Variants in PACRG observed in about 807,000 individuals in gnomAD.
The protein encoded by PACRG is parkin coregulated.
PACRG carries 29 observed loss-of-function variants against 29.7 expected under a neutral mutation model. The ratio of observed to expected loss-of-function variants is 0.98; its 90% CI spans 0.73 to 1.33. The LOEUF is 1.33. Ranked by LOEUF, PACRG falls within the 40% of genes most tolerant of loss-of-function variation. The probability of loss-of-function intolerance (pLI) is 0.00; values close to 1 mark genes in which losing one functional copy is unlikely to be tolerated. For missense variants in PACRG, 279 were observed against 316.2 expected, an observed-to-expected ratio of 0.88 and a Z score of 0.89; for synonymous variants, 116 against 118.7, an observed-to-expected ratio of 0.98 and a Z score of 0.15.
intron 4 of PACRG, among the ~76,000 whole-genome samples, chr6:163,287,934 A>G (rs1028983463): frequency 1.1e-4 from 16 of 152,130 alleles, no homozygotes; most frequent in Non-Finnish European, 2.1e-4. Context: ...AGAAGAAGCT[A>G]TTTATTTGGC....
At chr6:163,314,526 A>G (rs1268831688) in intron 4 of PACRG, among the ~76,000 whole-genome samples, 1 of 151,824 alleles carries the variant, frequency 6.6e-6, no homozygotes, top group Non-Finnish European at 1.5e-5. Flanking sequence ...CCAAGAGAAC[A>G]CTCTGTATAT....
chr6:162,859,011 A>G (rs1791634576), intron 2 of PACRG, among the ~76,000 whole-genome samples: 1 of 152,200 alleles, frequency 6.6e-6, no homozygotes, highest in African/African-American at 2.4e-5. Flanking sequence ...AACAGTACAC[A>G]AAGGTGCTAT....
chr6:163,130,108 G>T (rs1816675011), intron 4 of PACRG, among the ~76,000 whole-genome samples: 1 of 152,172 alleles, frequency 6.6e-6, no homozygotes, highest in Admixed American at 6.5e-5. Context: ...TCTTAGATAA[G>T]GAATGAGGGA....
chr6:163,241,070 T>C (rs1342855298), intron 4 of PACRG, among the ~76,000 whole-genome samples: 1 of 152,214 alleles, frequency 6.6e-6, no homozygotes, highest in Non-Finnish European at 1.5e-5. Flanking sequence ...CAATTCTTAA[T>C]GTAAATTATA....
At chr6:163,252,284 G>A (rs578142243) in intron 4 of PACRG, among the ~76,000 whole-genome samples, 2 of 152,364 alleles carry the variant, frequency 1.3e-5, no homozygotes, top group Non-Finnish European at 2.9e-5. Flanking sequence ...GCTGACGCTC[G>A]GCCAGGCGCC....
intron 2 of PACRG, among the ~76,000 whole-genome samples, chr6:162,822,129 A>G (rs1787896327): frequency 6.6e-6 from 1 of 152,218 alleles, no homozygotes; most frequent in African/African-American, 2.4e-5. Context: ...TTGATAGTGG[A>G]CATACTGCCA....
intron 2 of PACRG, among the ~76,000 whole-genome samples, chr6:163,014,715 A>G (rs545355909): frequency 4.6e-4 from 70 of 151,808 alleles, no homozygotes; most frequent in African/African-American, 1.7e-3. Flanking sequence ...TTTTTGCTTA[A>G]TTGTTTAAGT....
At chr6:162,992,067 G>A (rs921647440) in intron 2 of PACRG, among the ~76,000 whole-genome samples, 1 of 142,670 alleles carries the variant, frequency 7.0e-6, no homozygotes, top group Non-Finnish European at 1.5e-5. Flanking sequence ...TATTGAACCA[G>A]CCTTTCATCC....
chr6:162,950,131 G>A (rs1584845280), intron 2 of PACRG, among the ~76,000 whole-genome samples: 1 of 152,006 alleles, frequency 6.6e-6, no homozygotes, highest in Admixed American at 6.6e-5. Context: ...CTAAGTTTTT[G>A]TTTCCATTTT....
At chr6:162,979,853 C>T (rs978724251) in intron 2 of PACRG, among the ~76,000 whole-genome samples, 5 of 151,632 alleles carry the variant, frequency 3.3e-5, no homozygotes, top group Admixed American at 6.6e-5. Flanking sequence ...AATAGTAATT[C>T]GGAAGTTTAC....
chr6:162,975,936 C>T (rs1025029822), intron 2 of PACRG, among the ~76,000 whole-genome samples: 3 of 152,058 alleles, frequency 2.0e-5, no homozygotes, highest in East Asian at 1.9e-4. Flanking sequence ...CCTGCCCCCT[C>T]GGAATTTGCA....
chr6:163,153,644 A>C (rs1324479056), intron 4 of PACRG, among the ~76,000 whole-genome samples: 1 of 152,200 alleles, frequency 6.6e-6, no homozygotes, highest in African/African-American at 2.4e-5. Context: ...TGGATGACTC[A>C]ATTAAATACA....
intron 4 of PACRG, among the ~76,000 whole-genome samples, chr6:163,146,204 C>T (rs189272547): frequency 2.6e-5 from 4 of 152,248 alleles, no homozygotes; most frequent in Admixed American, 2.0e-4. Flanking sequence ...GAGATGCCGT[C>T]GGTAGCCTTG....
At chr6:163,075,491 A>G (rs1156330065) in intron 3 of PACRG, among the ~76,000 whole-genome samples, 2 of 152,194 alleles carry the variant, frequency 1.3e-5, no homozygotes, top group Non-Finnish European at 2.9e-5. Context: ...ACATCAAGGA[A>G]AATTTATTAA....
At chr6:163,159,438 A>C (rs1273442472) in intron 4 of PACRG, among the ~76,000 whole-genome samples, 2 of 151,892 alleles carry the variant, frequency 1.3e-5, no homozygotes, top group African/African-American at 4.8e-5. Flanking sequence ...AGGAAGAGTT[A>C]TTCTACCCTT....
chr6:162,750,186 C>A (rs556711007), intron 1 of PACRG, among the ~76,000 whole-genome samples: 35 of 152,292 alleles, frequency 2.3e-4, no homozygotes, highest in African/African-American at 8.2e-4. Context: ...CCTTAGGAGT[C>A]TTTCACATTT....
In PACRG at chr6:162,918,208, T is replaced by G. The variant is rs180819150; in HGVS notation, c.291+103927T>G. On this transcript the variant is annotated intron_variant, in intron 2 of 4. Transcript: ENST00000366888. ...TGGATTAAATTCATTTAAAATGTGTTCTGTTAGAAAATGTGATAACACTTT... is the reference window on the plus strand; with the variant it reads ...TGGATTAAATTCATTTAAAATGTGTGCTGTTAGAAAATGTGATAACACTTT... Among the ~76,000 whole-genome samples, 4 of 152,338 alleles carry G rather than the reference T, an allele frequency of 2.6e-5. No individual in the cohort carries two copies. In the East Asian group the frequency reaches 7.7e-4, roughly 29 times the overall value.
intron 4 of PACRG, among the ~76,000 whole-genome samples, chr6:163,224,109 C>T (rs545115734): frequency 6.6e-6 from 1 of 152,150 alleles, no homozygotes; most frequent in East Asian, 1.9e-4. Flanking sequence ...TGGCTCATGC[C>T]TGTAATCCTA....
intron 2 of PACRG, among the ~76,000 whole-genome samples, chr6:162,912,039 G>A (rs938264060): frequency 6.6e-6 from 1 of 152,186 alleles, no homozygotes; most frequent in African/African-American, 2.4e-5. Flanking sequence ...AAGACACTGG[G>A]GTCCATTGGT....
Sources: gnomAD v4.1 joint callset for allele counts (sites outside exome capture counted in the v4.1 genomes callset) on GRCh38, gnomAD v4.1.1 for gene constraint, MANE v1.5 for transcripts, NCBI Gene and HGNC (gene_info 2026-07-23, HGNC 2026-07-21) for gene names.